Variants in ZBTB7C observed in about 807,000 individuals in gnomAD.
ZBTB7C encodes zinc finger and BTB domain containing 7C.
A neutral mutation model predicts 25.7 loss-of-function variants in ZBTB7C; 8 were observed. The observed-to-expected ratio is 0.31, with a 90% CI of 0.18 to 0.56. The LOEUF (loss-of-function observed/expected upper bound fraction) is 0.56. Among genes scored for constraint, ZBTB7C ranks in the 20% least tolerant of loss-of-function variants. ZBTB7C has a pLI of 0.91. For synonymous variants in ZBTB7C, 394 were observed against 369.0 expected (o/e 1.07, Z -0.78); for missense variants, 824 against 855.2 (o/e 0.96, Z 0.46).
rs567380270 is a variant in ZBTB7C at position 48,137,362 on chromosome 18, T to C, written c.-17+48572A>G. ...ATAAAGGCAAGGGCGGTGGAGGAGC[T>C]TTTCTTTTCCCCTCTTTTCTTCCGG... On this transcript the variant is annotated intron_variant, in intron 3 of 4. Transcript: ENST00000590800. 1.3e-5 allele frequency: 13 copies of C among 981,592 alleles called. No homozygotes were observed. In the East Asian group the frequency reaches 1.5e-3, roughly 112 times the overall value. 60.8% of individuals were successfully genotyped at this position (981,592 alleles called of 1,614,324 possible).
chr18:48,206,792 T>C (rs1478472560), intron 2 of ZBTB7C, among the ~76,000 whole-genome samples: 2 of 152,146 alleles, frequency 1.3e-5, no homozygotes, highest in African/African-American at 2.4e-5. Flanking sequence ...ATGTTTGTGA[T>C]CTCAGGTAGG....
chr18:48,361,577 C>T (rs988999436), intron 1 of ZBTB7C, among the ~76,000 whole-genome samples: 1 of 152,202 alleles, frequency 6.6e-6, no homozygotes, highest in Non-Finnish European at 1.5e-5. Context: ...ACATATGCTG[C>T]TCTGGAAATT....
rs569436620 is a variant in ZBTB7C, at chr18:48,097,203, CTACATGTGACTGATGGTCATATGA to C, written c.-16-56104_-16-56081del. Among the ~76,000 whole-genome samples, 9 of 152,286 alleles carry C rather than the reference CTACATGTGACTGATGGTCATATGA, an allele frequency of 5.9e-5. No individual in the cohort carries two copies. The East Asian group carries it at 1.7e-3, about 29-fold the overall frequency. On this transcript the variant is annotated intron_variant, in intron 3 of 4. Coordinates refer to ENST00000590800, the MANE Select transcript of ZBTB7C (RefSeq NM_001318841.2). ...TAAGCTAGGCTAGCTGAGACCTTCTCTACATGTGACTGATGGTCATATGAATATGGATCTTGCGTGACCATCTTC... is the reference window on the plus strand; with the variant it reads ...TAAGCTAGGCTAGCTGAGACCTTCTCATATGGATCTTGCGTGACCATCTTC...
At chr18:48,048,286 G>C (rs1167033094) in intron 3 of ZBTB7C, among the ~76,000 whole-genome samples, 1 of 152,200 alleles carries the variant, frequency 6.6e-6, no homozygotes, top group Non-Finnish European at 1.5e-5. Context: ...TTGGGCAGAG[G>C]GGGCAGGAAG....
At chr18:48,145,322 C>G (rs1265877848) in intron 3 of ZBTB7C, among the ~76,000 whole-genome samples, 1 of 152,166 alleles carries the variant, frequency 6.6e-6, no homozygotes, top group Admixed American at 6.5e-5. Flanking sequence ...CTCTTACCAC[C>G]TTCATCTTCC....
chr18:48,123,063 C>T (rs2039684234), intron 3 of ZBTB7C, among the ~76,000 whole-genome samples: 2 of 152,162 alleles, frequency 1.3e-5, no homozygotes, highest in African/African-American at 4.8e-5. Context: ...CATCTCTCTC[C>T]TGGCAGCTGT....
chr18:48,287,857 G>A (rs1447790849), intron 2 of ZBTB7C, among the ~76,000 whole-genome samples: 1 of 152,170 alleles, frequency 6.6e-6, no homozygotes, highest in Non-Finnish European at 1.5e-5. Flanking sequence ...GATAAAATGT[G>A]TAACTGTTAT....
rs75345127 is a variant in ZBTB7C, at chr18:48,321,062, A to C, written c.-79+17112T>G. Among the ~76,000 whole-genome samples the C allele has an allele frequency of 2.1e-3, 315 of 152,330 alleles. 3 individuals carry two copies. Among genetic ancestry groups the C allele is most frequent in the African/African-American group, 7.1e-3 (296 of 41,590 alleles). ...CTGCCCATTGAAATCACCTAGAGAA[A>C]TTCATAAATTATTGGTGCCTGAGTC... On this transcript the variant is annotated intron_variant, in intron 2 of 4. Transcript: ENST00000590800.
chr18:48,319,435 C>T (rs766315540), intron 2 of ZBTB7C, among the ~76,000 whole-genome samples: 20 of 152,086 alleles, frequency 1.3e-4, no homozygotes, highest in Non-Finnish European at 2.5e-4. Flanking sequence ...AGAACTTAAT[C>T]GATGTTAGCT....
intron 3 of ZBTB7C, among the ~76,000 whole-genome samples, chr18:48,094,609 G>A (rs1024396915): frequency 1.3e-5 from 2 of 152,152 alleles, no homozygotes; most frequent in African/African-American, 4.8e-5. Flanking sequence ...AAAATTCTGA[G>A]AGGACATTTT....
intron 2 of ZBTB7C, among the ~76,000 whole-genome samples, chr18:48,199,368 C>T (rs1042968477): frequency 6.6e-6 from 1 of 152,196 alleles, no homozygotes; most frequent in Admixed American, 6.5e-5. Context: ...TCATTGTCTT[C>T]TTTTCCCACA....
intron 3 of ZBTB7C, among the ~76,000 whole-genome samples, chr18:48,185,674 C>T (rs888204347): frequency 2.0e-5 from 3 of 152,120 alleles, no homozygotes; most frequent in Admixed American, 1.3e-4. Flanking sequence ...GCACAGCAAT[C>T]GAGTCAAGGG....
chr18:48,217,242 A>G (rs1568309090), intron 2 of ZBTB7C, among the ~76,000 whole-genome samples: 1 of 152,172 alleles, frequency 6.6e-6, no homozygotes, highest in Non-Finnish European at 1.5e-5. Flanking sequence ...TGAGCAAACG[A>G]AAACACCATT....
intron 3 of ZBTB7C, among the ~76,000 whole-genome samples, chr18:48,054,819 T>G (rs1395472299): frequency 6.6e-6 from 1 of 152,172 alleles, no homozygotes; most frequent in Non-Finnish European, 1.5e-5. Flanking sequence ...GAGCCCAGTC[T>G]CTCCTCTGCT....
intron 3 of ZBTB7C, among the ~76,000 whole-genome samples, chr18:48,182,902 G>A (rs1293089036): frequency 6.6e-6 from 1 of 152,086 alleles, no homozygotes; most frequent in East Asian, 1.9e-4. Flanking sequence ...GGGAATTCCA[G>A]GGGCTGTCAT....
intron 3 of ZBTB7C, among the ~76,000 whole-genome samples, chr18:48,160,644 C>T (rs910239614): frequency 2.0e-5 from 3 of 152,156 alleles, no homozygotes; most frequent in Non-Finnish European, 4.4e-5. Context: ...GATCAAAGAG[C>T]TCCAAGCTTG....
At position 48,185,971 on chromosome 18, in the gene ZBTB7C, G is replaced by C. The variant is rs971678522; in HGVS notation, c.-54C>G. ...CTTAGTTTTAAATTTCAGGACACCA[G>C]TTTTTCTGCAAATCTGCTCATTTCC... On this transcript the variant is annotated 5_prime_UTR_variant, in exon 3 of 5. Transcript: ENST00000590800. 7 of 152,270 alleles carry C rather than the reference G, an allele frequency of 4.6e-5. No individual in the cohort carries two copies. The highest frequency in any genetic ancestry group is 7.3e-5 in the Non-Finnish European group (5 of 68,050). 9.4% of individuals were successfully genotyped at this position (152,270 alleles called of 1,614,324 possible). A position where few individuals can be genotyped will look rare whatever the true frequency, so the allele number is the denominator to read the frequency against.
chr18:48,105,655 T>A (rs913464668), intron 3 of ZBTB7C, among the ~76,000 whole-genome samples: 8 of 152,066 alleles, frequency 5.3e-5, no homozygotes, highest in Non-Finnish European at 1.2e-4. Flanking sequence ...GGTGTGCTGG[T>A]GAAAACCTAA....
intron 3 of ZBTB7C, among the ~76,000 whole-genome samples, chr18:48,144,527 G>T (rs1446997733): frequency 6.6e-6 from 1 of 151,772 alleles, no homozygotes; most frequent in Non-Finnish European, 1.5e-5. Flanking sequence ...TATTTTTTTG[G>T]TAGAGACAGG....
Sources: allele counts gnomAD v4.1 joint callset (sites outside exome capture counted in the v4.1 genomes callset), GRCh38; gene constraint gnomAD v4.1.1; transcripts MANE v1.5; gene names NCBI Gene and HGNC (gene_info 2026-07-23, HGNC 2026-07-21).